CELSR3: variants seen among roughly 807,000 people sequenced by gnomAD.
CELSR3 encodes EGF-like protein 1.
CELSR3 carries 73 observed loss-of-function variants against 270.0 expected under a neutral mutation model. The observed-to-expected ratio is 0.27, with a 90% confidence interval of 0.22 to 0.33. The LOEUF (loss-of-function observed/expected upper bound fraction) is 0.33. Among genes scored for constraint, CELSR3 ranks in the 10% least tolerant of loss-of-function variants. The pLI, the probability that CELSR3 is intolerant of heterozygous loss-of-function variation, is 1.00. For synonymous variants in CELSR3, 1,780 were observed against 1,905.4 expected, an observed-to-expected ratio of 0.93 and a Z score of 1.71; for missense variants, 3,614 against 4,533.8, an observed-to-expected ratio of 0.80 and a Z score of 5.83.
intron 19 of CELSR3, 104 bp from the exon 20 acceptor site, chr3:48,648,100 T>C: frequency 6.7e-7 from 1 of 1,493,460 alleles, no homozygotes; most frequent in Non-Finnish European, 9.1e-7. Flanking sequence ...CACAATCTGT[T>C]TTCTGTGCTA....
In CELSR3 at chr3:48,662,198, C is replaced by T. The variant is rs755384021; in HGVS notation, c.437G>A (p.Gly146Glu). The T allele has an allele frequency of 1.9e-6, 3 of 1,612,988 alleles. No individual in the cohort carries two copies. The highest frequency in any genetic ancestry group is 1.7e-5 in the Admixed American group (1 of 60,016). The stretch of plus-strand genomic sequence containing the variant: ...TGACAGACTACCTCTTTGCAAAGGT[C>T]CTGTCCGCCCGCAAGAGGAGACCTC... The part of the protein sequence containing the change: ...RPEVSSCGRT[G>E]PLQRGSLSPG... The change falls in exon 1 of 35, where the codon GGA becomes GAA. Residue 146 changes from glycine (G) to glutamate (E), a missense_variant. Coordinates refer to ENST00000164024, the MANE Select transcript of CELSR3 (RefSeq NM_001407.3). The surrounding 1 kb of genome is among the most constrained non-coding windows in gnomAD (Gnocchi z 7.1).
At position 48,656,262 on chromosome 3, in the gene CELSR3, C is replaced by G; in HGVS notation, c.4503G>C (p.Gln1501His). ...TDAPNGGFRC[Q>H]CPAGGAFEGP... ...CCTCGAAGGCGCCGCCTGCCGGGCACTGGCAGCGAAAGCCGCCGTTGGGCG... is the reference window on the plus strand; with the variant it reads ...CCTCGAAGGCGCCGCCTGCCGGGCAGTGGCAGCGAAAGCCGCCGTTGGGCG... The change falls in exon 3 of 35, where the codon CAG becomes CAC. Residue 1501 changes from glutamine to histidine, a missense_variant. Gln to His is a conservative substitution (Grantham distance 24). Transcript: ENST00000164024. 6.5e-7 allele frequency: 1 copy of G among 1,533,436 alleles called. No individual in the cohort carries two copies. The highest frequency in any genetic ancestry group is 8.7e-7 in the Non-Finnish European group (1 of 1,145,612). 95.0% of individuals were successfully genotyped at this position (1,533,436 alleles called of 1,614,324 possible).
At position 48,652,549 on chromosome 3, in the gene CELSR3, G is replaced by A. The variant is rs1290711192; in HGVS notation, c.5639C>T (p.Thr1880Ile). ...CTGCAGCTCACTCCCCACCGCCATG[G>A]TGTCCTGGAGGAAGTGGGGCAGTCA... Reference protein sequence around the residue: ...VSLDFSLFQDTMAVGSELQGL... With the variant: ...VSLDFSLFQDIMAVGSELQGL... Residue 1880 changes from threonine to isoleucine, a missense_variant, in exon 11 of 35, where the codon ACC becomes ATC. Transcript: ENST00000164024. This position sits in a 1 kb window ranked among gnomAD's most constrained non-coding sequence, Gnocchi z 4.3. 2 of 1,606,734 alleles carry A rather than the reference G, an allele frequency of 1.2e-6. No individual in the cohort carries two copies. The highest frequency in any genetic ancestry group is 1.1e-5 in the South Asian group (1 of 90,400).
rs987413173 is a variant in CELSR3, at chr3:48,662,277, T to A, written c.358A>T (p.Ser120Cys). The A allele has an allele frequency of 4.3e-6, 7 of 1,613,118 alleles. No homozygotes were observed. Among genetic ancestry groups the A allele is most frequent in the Non-Finnish European group, 5.9e-6 (7 of 1,180,036 alleles). ...CCCTGTCCTGTCTCTCGTTCGCGGC[T>A]GCCCAATGGCTGGACGCCGTGTTCA... Reference protein sequence around the residue: ...GIEHGVQPLGSRERETGQGPG... With the variant: ...GIEHGVQPLGCRERETGQGPG... The change falls in exon 1 of 35, where the codon AGC becomes TGC. Residue 120 changes from serine to cysteine, a missense_variant. Ser to Cys is a moderately radical substitution (Grantham distance 112, BLOSUM62 -1). This residue lies in a region of CELSR3 where 470 missense variants were observed against 469.7 expected (regional missense o/e 1.00). Transcript: ENST00000164024. The surrounding 1 kb of genome is among the most constrained non-coding windows in gnomAD (Gnocchi z 7.1).
chr3:48,649,270 G>A, intron 16 of CELSR3, 55 bp from the exon 17 acceptor site: 1 of 1,346,226 alleles, frequency 7.4e-7, no homozygotes, highest in South Asian at 1.2e-5. Flanking sequence ...TTGCTGAGGA[G>A]ATAACCGCAG....
chr3:48,641,432 G>A lies in CELSR3; in HGVS notation c.8917C>T (p.Arg2973Cys), dbSNP rs200234297. ...CALQTWGSER[R>C]LGLDTSKDAA... ...TCCTTGCTGGTGTCCAGCCCCAGGC[G>A]CCTTTCAGAGCCCCAAGTCTGCAGA... Residue 2973 changes from arginine (R) to cysteine (C), a missense_variant, in exon 33 of 35, where the codon CGC becomes TGC. This residue lies in a region of CELSR3 where 1,240 missense variants were observed against 1,351.7 expected (regional missense o/e 0.92). Coordinates refer to ENST00000164024, the MANE Select transcript of CELSR3 (RefSeq NM_001407.3). The surrounding 1 kb of genome is among the most constrained non-coding windows in gnomAD (Gnocchi z 4.8). 1.1e-5 allele frequency: 18 copies of A among 1,612,346 alleles called. No homozygotes were observed. The East Asian group carries it at 1.3e-4, about 12-fold the overall frequency.
rs757908486 is a variant in CELSR3 at position 48,644,217 on chromosome 3, G to C, written c.8164C>G (p.Leu2722Val). Residue 2722 changes from leucine (L) to valine (V), a missense_variant and splice_region_variant, in exon 27 of 35, where the codon CTG (leucine) becomes GTG (valine). By Grantham distance (32) the Leu-to-Val change is conservative (BLOSUM62 1). Transcript: ENST00000164024. This position sits in a 1 kb window ranked among gnomAD's most constrained non-coding sequence, Gnocchi z 4.8. ...CCTTCCTCCAGCCAGCCAACTCACA[G>C]TGCAGAGGTCTTCTTGGCCTCCCTC... The part of the protein sequence containing the change: ...GQREAKKTSA[L>V]TLRSSFLLLL... The C allele has an allele frequency of 6.2e-7, 1 of 1,612,594 alleles. No individual in the cohort carries two copies. Among genetic ancestry groups the C allele is most frequent in the South Asian group, 1.1e-5 (1 of 91,080 alleles).
At position 48,655,365 on chromosome 3, in the gene CELSR3, C is replaced by T; in HGVS notation, c.4771G>A (p.Val1591Ile). ...TGCCCGTCACTCAAGCCCCCTGGAA[C>T]TGTGGGGCTGACCACGGTGTTGGAT... ...GESNTVVSPT[V>I]PGGLSDGQWH... The change falls in exon 5 of 35, where the codon GTT becomes ATT. Residue 1591 changes from valine (V) to isoleucine (I), a missense_variant. Coordinates refer to ENST00000164024, the MANE Select transcript of CELSR3 (RefSeq NM_001407.3). The surrounding 1 kb of genome is among the most constrained non-coding windows in gnomAD (Gnocchi z 5.8). 1 of 1,614,128 alleles carries T rather than the reference C, an allele frequency of 6.2e-7. No homozygotes were observed. The highest frequency in any genetic ancestry group is 1.1e-5 in the South Asian group (1 of 91,084).
rs773234123 is a variant in CELSR3, at chr3:48,661,920, A to T, written c.715T>A (p.Ser239Thr). 6.8e-5 allele frequency: 109 copies of T among 1,612,910 alleles called. No homozygotes were observed. The highest frequency in any genetic ancestry group is 9.2e-5 in the Non-Finnish European group (108 of 1,179,934). The change falls in exon 1 of 35, where the codon TCG (serine) becomes ACG (threonine). Residue 239 changes from serine to threonine, a missense_variant. Transcript: ENST00000164024. ...APRRNCLPGA[S>T]GSGPELDSAP... ...GAATCCAGCTCGGGGCCAGATCCCG[A>T]GGCCCCTGGAAGACAGTTCCGCCGG...
At position 48,661,898 on chromosome 3, in the gene CELSR3, T is replaced by A; in HGVS notation, c.737A>T (p.Asp246Val). The A allele has an allele frequency of 1.2e-6, 2 of 1,612,164 alleles. No homozygotes were observed. The highest frequency in any genetic ancestry group is 1.7e-6 in the Non-Finnish European group (2 of 1,179,844). Reference sequence around the variant, plus strand: ...TGTCCTCGCCGTGCGTGGTGCTGAATCCAGCTCGGGGCCAGATCCCGAGGC... The same window carrying A: ...TGTCCTCGCCGTGCGTGGTGCTGAAACCAGCTCGGGGCCAGATCCCGAGGC... Reference protein sequence around the residue: ...PGASGSGPELDSAPRTARTAP... With the variant: ...PGASGSGPELVSAPRTARTAP... Residue 246 changes from aspartate (D) to valine (V), a missense_variant, in exon 1 of 35, where the codon GAT becomes GTT. Physicochemically the swap from Asp to Val is radical, Grantham distance 152. Transcript: ENST00000164024.
intron 34 of CELSR3, among the ~76,000 whole-genome samples, chr3:48,638,812 T>C (rs1559474294): frequency 6.7e-6 from 1 of 150,048 alleles, no homozygotes. Flanking sequence ...CCCAAACCCC[T>C]GCTCTTTCCT....
chr3:48,644,005 A>G lies in CELSR3; in HGVS notation c.8165+211T>C. 1.7e-6 allele frequency: 1 copy of G among 592,836 alleles called. No individual in the cohort carries two copies. Among genetic ancestry groups the G allele is most frequent in the Non-Finnish European group, 3.0e-6 (1 of 333,396 alleles). 36.7% of individuals were successfully genotyped at this position (592,836 alleles called of 1,614,324 possible). ...GGGAGACTCTGGGGGGACCCAGAGGACAAGGAGAGACAGCAGGGCAGAAGC... is the reference window on the plus strand; with the variant it reads ...GGGAGACTCTGGGGGGACCCAGAGGGCAAGGAGAGACAGCAGGGCAGAAGC... On this transcript the variant is annotated intron_variant, in intron 27 of 34. Transcript: ENST00000164024. The surrounding 1 kb of genome is among the most constrained non-coding windows in gnomAD (Gnocchi z 4.8).
chr3:48,656,648 C>A, intron 2 of CELSR3, 50 bp downstream of exon 2: 1 of 1,444,910 alleles, frequency 6.9e-7, no homozygotes. Context: ...TGGTCCCGCC[C>A]CCAGCCTTGG....
Position 48,655,857 on chromosome 3 carries a change from CGGGGTGGGAGGGGGTTGCG to C in CELSR3, c.4626-25_4626-7del. ...TCTGCTGCACTGTCGCGAACCTGGG[CGGGGTGGGAGGGGGTTGCG>C]GGGGTGGGAGCGTCAGGAGCAGGGT... On this transcript the variant is annotated splice_region_variant and splice_polypyrimidine_tract_variant and intron_variant, in intron 3 of 34. Coordinates refer to ENST00000164024, the MANE Select transcript of CELSR3 (RefSeq NM_001407.3). This position sits in a 1 kb window ranked among gnomAD's most constrained non-coding sequence, Gnocchi z 5.8. 8.0e-5 allele frequency: 15 copies of C among 187,150 alleles called. No homozygotes were observed. Among genetic ancestry groups the C allele is most frequent in the African/African-American group, 1.6e-4 (2 of 12,518 alleles). 11.6% of individuals were successfully genotyped at this position (187,150 alleles called of 1,614,324 possible).
Position 48,642,753 on chromosome 3 carries a change from C to T in CELSR3, c.8538G>A (p.Arg2846=), listed in dbSNP as rs138169556. ...CCTCTCACCTGAGGTAGCTGCGGCC[C>T]CGCTGGCTGTCCTGGTCCTGGGTCC... The part of the protein sequence containing the change: ...SGRTQDQDSQ[R]GRSYLRDNVL... The change falls in exon 30 of 35, where the codon CGG becomes CGA. Residue 2846 remains arginine, a synonymous_variant. Coordinates refer to ENST00000164024, the MANE Select transcript of CELSR3 (RefSeq NM_001407.3). This position sits in a 1 kb window ranked among gnomAD's most constrained non-coding sequence, Gnocchi z 6.1. 9.2e-5 allele frequency: 149 copies of T among 1,611,198 alleles called. No individual in the cohort carries two copies. The highest frequency in any genetic ancestry group is 1.2e-4 in the Non-Finnish European group (141 of 1,179,748).
Position 48,650,706 on chromosome 3 carries a change from C to G in CELSR3, c.6371-125G>C, listed in dbSNP as rs1015436214. The G allele has an allele frequency of 3.8e-6, 4 of 1,041,808 alleles. No homozygotes were observed. Among genetic ancestry groups the G allele is most frequent in the Non-Finnish European group, 5.6e-6 (4 of 719,744 alleles). 64.5% of individuals were successfully genotyped at this position (1,041,808 alleles called of 1,614,324 possible). A position where few individuals can be genotyped will look rare whatever the true frequency, so the allele number is the denominator to read the frequency against. Reference sequence around the variant, plus strand: ...GCCACTCCTGCTGGCTTCTCAGGAGCTGACCTGTCAGATTCTGTGACAGGT... The same window carrying G: ...GCCACTCCTGCTGGCTTCTCAGGAGGTGACCTGTCAGATTCTGTGACAGGT... On this transcript the variant is annotated intron_variant, in intron 15 of 34. Coordinates refer to ENST00000164024, the MANE Select transcript of CELSR3 (RefSeq NM_001407.3). This position sits in a 1 kb window ranked among gnomAD's most constrained non-coding sequence, Gnocchi z 5.1.
chr3:48,645,137 C>T lies in CELSR3; in HGVS notation c.7870G>A (p.Gly2624Arg). ...ACCTGCATGCGGTAGAGGTGCAGCC[C>T]CTGCACGAAGAGCCACGCGAAGGTG... ...LSTFAWLFVQ[G>R]LHLYRMQVEP... Residue 2624 changes from glycine to arginine, a missense_variant, in exon 25 of 35, where the codon GGG (glycine) becomes AGG (arginine). Gly to Arg is a moderately radical substitution (Grantham distance 125). Transcript: ENST00000164024. This position sits in a 1 kb window ranked among gnomAD's most constrained non-coding sequence, Gnocchi z 5.4. The T allele has an allele frequency of 6.2e-7, 1 of 1,601,442 alleles. No individual in the cohort carries two copies. The highest frequency in any genetic ancestry group is 8.5e-7 in the Non-Finnish European group (1 of 1,170,554).
rs761569745 is a variant in CELSR3 at position 48,652,984 on chromosome 3, C to T, written c.5634+18G>A. The T allele has an allele frequency of 1.8e-5, 29 of 1,609,678 alleles. No individual in the cohort carries two copies. The highest frequency in any genetic ancestry group is 6.6e-5 in the South Asian group (6 of 90,872). ...TTGGAAGGCTGAGAACAGACTACCC[C>T]GGGGTCAGAGGCCAGACCTGGAAGA... On this transcript the variant is annotated intron_variant, in intron 10 of 34. Coordinates refer to ENST00000164024, the MANE Select transcript of CELSR3 (RefSeq NM_001407.3). The surrounding 1 kb of genome is among the most constrained non-coding windows in gnomAD (Gnocchi z 4.3).
intron 28 of CELSR3, 116 bp from the exon 29 acceptor site, chr3:48,643,199 G>C: frequency 1.4e-6 from 1 of 720,144 alleles, no homozygotes; most frequent in Non-Finnish European, 2.4e-6. Flanking sequence ...TCAGTGAGGA[G>C]CCCATGCGGG....
Sources: allele counts gnomAD v4.1 joint callset (sites outside exome capture counted in the v4.1 genomes callset), GRCh38; gene constraint gnomAD v4.1.1; regional missense constraint gnomAD v4.1.1; non-coding constraint Gnocchi (gnomAD v3.1); transcripts MANE v1.5; gene names NCBI Gene and HGNC (gene_info 2026-07-23, HGNC 2026-07-21).